The following CNTLN variants were observed in gnomAD, a reference collection of about 807,000 sequenced individuals.
CNTLN encodes centlein, centrosomal protein.
A neutral mutation model predicts 180.0 loss-of-function variants in CNTLN; 212 were observed. That is an observed-to-expected ratio of 1.18 (90% CI 1.05 to 1.32). The LOEUF (loss-of-function observed/expected upper bound fraction) is 1.32, where lower values mean the gene tolerates loss of function less well. Ranked by LOEUF, CNTLN falls within the 40% of genes most tolerant of loss-of-function variation. The probability of loss-of-function intolerance (pLI) is 0.00; values close to 1 mark genes in which losing one functional copy is unlikely to be tolerated. For missense variants in CNTLN, 2,095 were observed against 1,610.9 expected (o/e 1.30, Z -5.14); for synonymous variants, 722 against 563.1 (o/e 1.28, Z -3.99).
In CNTLN at chr9:17,395,082, T is replaced by A; in HGVS notation, c.2615+13T>A. ...TGAGTGAAAGCAGGTAAGGCTCTCA[T>A]TAACTTAGCTCTGTGGTGGGGACAC... On this transcript the variant is annotated intron_variant, in intron 15 of 25. Coordinates refer to ENST00000380647, the MANE Select transcript of CNTLN (RefSeq NM_017738.4). 1.3e-6 allele frequency: 2 copies of A among 1,592,930 alleles called. No individual in the cohort carries two copies. Among genetic ancestry groups the A allele is most frequent in the Non-Finnish European group, 1.7e-6 (2 of 1,167,838 alleles).
At chr9:17,518,906 C>G in the CNTLN span, among the ~76,000 whole-genome samples, 2 of 152,108 alleles carry the variant, frequency 1.3e-5, no homozygotes, top group African/African-American at 4.8e-5. Flanking sequence ...AAATAAGCTT[C>G]TGCTGTGAAA....
intron 8 of CNTLN, among the ~76,000 whole-genome samples, chr9:17,323,751 C>G (rs1053925264): frequency 6.6e-6 from 1 of 152,092 alleles, no homozygotes; most frequent in Non-Finnish European, 1.5e-5. Context: ...TTTGGCCAAC[C>G]CTTTGACAGG....
chr9:17,426,684 C>T (rs933166504), intron 18 of CNTLN, among the ~76,000 whole-genome samples: 2 of 151,980 alleles, frequency 1.3e-5, no homozygotes, highest in African/African-American at 2.4e-5. Context: ...TATATTCTTT[C>T]AAGTCACATG....
intron 2 of CNTLN, among the ~76,000 whole-genome samples, chr9:17,179,220 G>A (rs1324653989): frequency 7.2e-6 from 1 of 138,620 alleles, no homozygotes; most frequent in South Asian, 2.3e-4. Context: ...CTCCAGCCTG[G>A]GCGACAGAGC....
intron 18 of CNTLN, among the ~76,000 whole-genome samples, chr9:17,435,882 G>T (rs773787011): frequency 6.6e-6 from 1 of 151,838 alleles, no homozygotes; most frequent in Non-Finnish European, 1.5e-5. Context: ...CCTTTTTTAC[G>T]GGCACACTTC....
intron 12 of CNTLN, among the ~76,000 whole-genome samples, chr9:17,359,752 T>C (rs1311075640): frequency 2.8e-4 from 6 of 21,234 alleles, no homozygotes; most frequent in Admixed American, 1.4e-3. Context: ...AAAAAAAAAC[T>C]AGCTGGGTGT....
intron 8 of CNTLN, among the ~76,000 whole-genome samples, chr9:17,310,937 G>A (rs1452704853): frequency 1.3e-5 from 2 of 151,796 alleles, no homozygotes; most frequent in Non-Finnish European, 2.9e-5. Flanking sequence ...TTAATCCCTA[G>A]TAAGTTAATA....
At chr9:17,164,466 T>G (rs1309103114) in intron 2 of CNTLN, among the ~76,000 whole-genome samples, 1 of 139,938 alleles carries the variant, frequency 7.1e-6, no homozygotes, top group Admixed American at 7.1e-5. Flanking sequence ...TGTTTTTTTT[T>G]TTTTTTTTTT....
At chr9:17,290,232 G>T (rs1829279356) in intron 6 of CNTLN, among the ~76,000 whole-genome samples, 1 of 152,052 alleles carries the variant, frequency 6.6e-6, no homozygotes, top group Admixed American at 6.5e-5. Flanking sequence ...CTATCAGACA[G>T]GACCCTCAGC....
In CNTLN at chr9:17,235,701, G is replaced by A. The variant is rs1250179562; in HGVS notation, c.578G>A (p.Arg193Gln). Residue 193 changes from arginine (R) to glutamine (Q), a missense_variant, in exon 4 of 26, where the codon CGG becomes CAG. Coordinates refer to ENST00000380647, the MANE Select transcript of CNTLN (RefSeq NM_017738.4). ...LKQEINDLVKRKIAVDEENAF... is the reference protein window; with the variant it reads ...LKQEINDLVKQKIAVDEENAF... ...CAGGAAATAAATGACCTTGTAAAAC[G>A]GAAAATTGCAGTAGATGAAGAAAAT... The A allele has an allele frequency of 1.6e-5, 26 of 1,606,750 alleles. No individual in the cohort carries two copies. Among genetic ancestry groups the A allele is most frequent in the Admixed American group, 6.8e-5 (4 of 58,798 alleles).
chr9:17,200,856 T>A (rs766951021), intron 2 of CNTLN, among the ~76,000 whole-genome samples: 1 of 152,220 alleles, frequency 6.6e-6, no homozygotes, highest in Non-Finnish European at 1.5e-5. Context: ...TGGCCAGATC[T>A]TCCAATACTA....
chr9:17,193,394 G>C (rs1045445172), intron 2 of CNTLN, among the ~76,000 whole-genome samples: 1 of 152,128 alleles, frequency 6.6e-6, no homozygotes, highest in African/African-American at 2.4e-5. Context: ...AGATACAATG[G>C]GGGTACAGGT....
chr9:17,504,991 A>G (rs1768979205), downstream of CNTLN, among the ~76,000 whole-genome samples: 1 of 152,192 alleles, frequency 6.6e-6, no homozygotes, highest in Admixed American at 6.5e-5. Flanking sequence ...GAAGTTTTAC[A>G]TCTATGTTCA....
chr9:17,174,290 A>G (rs990883551), intron 2 of CNTLN, among the ~76,000 whole-genome samples: 5 of 152,200 alleles, frequency 3.3e-5, no homozygotes, highest in Non-Finnish European at 5.9e-5. Context: ...ATTAGTTGCT[A>G]TGAATATTTG....
At chr9:17,255,464 T>TTCTGGATG (rs58886223) in intron 5 of CNTLN, among the ~76,000 whole-genome samples, 1 of 151,564 alleles carries the variant, frequency 6.6e-6, no homozygotes, top group African/African-American at 2.4e-5. Context: ...TTTTGTCTTT[T>TTCTGGATG]ATTCTTTCAT....
intron 7 of CNTLN, among the ~76,000 whole-genome samples, chr9:17,307,744 A>T (rs1162766045): frequency 2.0e-5 from 3 of 152,154 alleles, no homozygotes; most frequent in African/African-American, 4.8e-5. Context: ...GGAGGTAAAC[A>T]TGCATACAGA....
intron 18 of CNTLN, among the ~76,000 whole-genome samples, chr9:17,420,140 C>G (rs1428294978): frequency 6.6e-6 from 1 of 152,154 alleles, no homozygotes; most frequent in Non-Finnish European, 1.5e-5. Context: ...GTCTTGAACT[C>G]CTAACCTCAC....
At chr9:17,187,733 TAG>T (rs1005775891) in intron 2 of CNTLN, among the ~76,000 whole-genome samples, 8 of 151,584 alleles carry the variant, frequency 5.3e-5, no homozygotes, top group African/African-American at 1.7e-4. Context: ...TTGATATTTA[TAG>T]AGTGTCATAT....
intron 2 of CNTLN, among the ~76,000 whole-genome samples, chr9:17,189,756 G>A (rs376596606): frequency 6.6e-6 from 1 of 151,874 alleles, no homozygotes; most frequent in Admixed American, 6.6e-5. Context: ...CAAAGTGTTG[G>A]GATTACAGAC....
Sources: gnomAD v4.1 joint callset for allele counts (sites outside exome capture counted in the v4.1 genomes callset) on GRCh38, gnomAD v4.1.1 for gene constraint, MANE v1.5 for transcripts, NCBI Gene and HGNC (gene_info 2026-07-23, HGNC 2026-07-21) for gene names.